OVOL2: variants seen among roughly 807,000 people sequenced by gnomAD.
The protein encoded by OVOL2 is transcription factor Ovo-like 2.
Under a neutral mutation model 18.1 loss-of-function variants are expected in OVOL2, and 13 were observed. The observed-to-expected ratio is 0.72, with a 90% confidence interval of 0.47 to 1.14. The LOEUF (loss-of-function observed/expected upper bound fraction) is 1.14. Among genes scored for constraint, OVOL2 ranks in the 50% most tolerant of loss-of-function variants. The probability of loss-of-function intolerance (pLI) is 0.00; values close to 1 mark genes in which losing one functional copy is unlikely to be tolerated. For missense variants in OVOL2, 335 were observed against 383.0 expected (o/e 0.87, Z 1.05); for synonymous variants, 166 against 162.7 (o/e 1.02, Z -0.16).
At chr20:18,047,029 A>T (rs1479926432) in intron 2 of OVOL2, among the ~76,000 whole-genome samples, 1 of 152,086 alleles carries the variant, frequency 6.6e-6, no homozygotes. Flanking sequence ...CCACATGTAA[A>T]ACAATAAAAT....
At chr20:18,051,525 C>A (rs1250606884) in intron 2 of OVOL2, among the ~76,000 whole-genome samples, 4 of 152,046 alleles carry the variant, frequency 2.6e-5, no homozygotes, top group Admixed American at 2.6e-4. Flanking sequence ...GAGAGATAAC[C>A]AAATATTCAG....
chr20:18,058,025 G>T (rs1342726755), upstream of OVOL2: 1 of 297,916 alleles, frequency 3.4e-6, no homozygotes, highest in Admixed American at 5.8e-5. Flanking sequence ...AGGCATGAAT[G>T]TTTGCAAAAG....
intron 3 of OVOL2, among the ~76,000 whole-genome samples, chr20:18,030,764 G>A (rs1240567308): frequency 6.6e-6 from 1 of 152,236 alleles, no homozygotes; most frequent in East Asian, 1.9e-4. Flanking sequence ...GAAAGCTCCA[G>A]TTATGGCACT....
chr20:18,024,530 G>C lies in OVOL2; in HGVS notation c.*106C>G, dbSNP rs537965408. On this transcript the variant is annotated 3_prime_UTR_variant, in exon 4 of 4. Transcript: ENST00000278780. ...TTTCAAAAGGACACAGAGGTGAACT[G>C]GTCACTTCTAATTAAGAAGAGCCAG... 1 of 1,456,138 alleles carries C rather than the reference G, an allele frequency of 6.9e-7. No homozygotes were observed. Among genetic ancestry groups the C allele is most frequent in the African/African-American group, 1.4e-5 (1 of 69,690 alleles). The allele number at this position is 1,456,138 out of a possible 1,614,324, so 90.2% of individuals were successfully genotyped here.
intron 3 of OVOL2, among the ~76,000 whole-genome samples, chr20:18,031,071 G>A (rs991983035): frequency 6.6e-6 from 1 of 152,172 alleles, no homozygotes; most frequent in African/African-American, 2.4e-5. Context: ...AAGGCCAACC[G>A]TGCCTGTGTC....
chr20:18,049,886 A>G (rs2036757169), intron 2 of OVOL2, among the ~76,000 whole-genome samples: 1 of 152,186 alleles, frequency 6.6e-6, no homozygotes, highest in Non-Finnish European at 1.5e-5. Flanking sequence ...ATCAACACTA[A>G]GGGCTAAAGC....
At chr20:18,058,618 T>C (rs1317960), upstream of OVOL2, among the ~76,000 whole-genome samples, 8 of 148,728 alleles carry the variant, frequency 5.4e-5, no homozygotes, top group African/African-American at 2.0e-4. Flanking sequence ...CAAATGCAGC[T>C]TCAAAACAAG....
intron 3 of OVOL2, among the ~76,000 whole-genome samples, chr20:18,038,325 A>G (rs1005272279): frequency 9.2e-5 from 14 of 152,186 alleles, no homozygotes; most frequent in Non-Finnish European, 1.2e-4. Flanking sequence ...AAGCACTTTT[A>G]TGTAATTCTG....
chr20:18,034,427 T>A lies in OVOL2; in HGVS notation c.511+7107A>T, dbSNP rs186211089. 3.9e-3 allele frequency among the ~76,000 whole-genome samples: 597 copies of A among 152,316 alleles called. 4 individuals are homozygous for A. The highest frequency in any genetic ancestry group is 0.013 in the African/African-American group (554 of 41,572). Reference sequence around the variant, plus strand: ...AACAGCAAAACCCATGCTCATCCTCTGCCCTCACAGGCTCCACTTGACAGC... The same window carrying A: ...AACAGCAAAACCCATGCTCATCCTCAGCCCTCACAGGCTCCACTTGACAGC... On this transcript the variant is annotated intron_variant, in intron 3 of 3. Coordinates refer to ENST00000278780, the MANE Select transcript of OVOL2 (RefSeq NM_021220.4).
intron 3 of OVOL2, among the ~76,000 whole-genome samples, chr20:18,029,726 C>A (rs1269743538): frequency 1.3e-5 from 2 of 152,114 alleles, no homozygotes; most frequent in East Asian, 3.9e-4. Flanking sequence ...ACCTGTAATC[C>A]CAGCACTTTG....
Position 18,024,639 on chromosome 20 carries a change from C to A in OVOL2, c.825G>T (p.Lys275Asn). ...TCTGTCCTCCCCTTCCTTCTCCTCA[C>A]TTCCTCTCCTCCTCCTCACTCAGGC... ...NTSLSEEEERK is the reference protein window; with the variant it reads ...NTSLSEEEERN The change falls in exon 4 of 4, where the codon AAG becomes AAT. Residue 275 changes from lysine to asparagine, a missense_variant. By Grantham distance (94) the Lys-to-Asn change is moderately conservative (BLOSUM62 0). Coordinates refer to ENST00000278780, the MANE Select transcript of OVOL2 (RefSeq NM_021220.4). The A allele has an allele frequency of 6.3e-7, 1 of 1,595,646 alleles. No individual in the cohort carries two copies. Among genetic ancestry groups the A allele is most frequent in the Non-Finnish European group, 8.6e-7 (1 of 1,168,280 alleles).
rs758776357 is a variant in OVOL2, at chr20:18,024,966, G to A, written c.512-14C>T. 3.8e-6 allele frequency: 6 copies of A among 1,599,768 alleles called. No individual in the cohort carries two copies. The highest frequency in any genetic ancestry group is 1.1e-5 in the South Asian group (1 of 90,050). ...AGGGACGAATGCCTGAAAGGATGAG[G>A]GACAGACACAGCATCGGTTGGTCAT... On this transcript the variant is annotated splice_polypyrimidine_tract_variant and intron_variant, in intron 3 of 3. Transcript: ENST00000278780.
chr20:18,026,595 A>C (rs1300591246), intron 3 of OVOL2, among the ~76,000 whole-genome samples: 1 of 152,032 alleles, frequency 6.6e-6, no homozygotes, highest in African/African-American at 2.4e-5. Flanking sequence ...GTTAGCCAGA[A>C]TGGTCTCGAT....
intron 3 of OVOL2, among the ~76,000 whole-genome samples, chr20:18,027,968 TGA>T (rs1231566840): frequency 1.3e-5 from 2 of 151,498 alleles, no homozygotes; most frequent in Admixed American, 6.6e-5. Context: ...GCATGGAAGT[TGA>T]GAGAGGGTGA....
chr20:18,031,001 C>A (rs181824868), intron 3 of OVOL2, among the ~76,000 whole-genome samples: 5 of 152,192 alleles, frequency 3.3e-5, no homozygotes, highest in Admixed American at 6.5e-5. Flanking sequence ...CTGGGCAAGA[C>A]GGACTGATGC....
intron 3 of OVOL2, among the ~76,000 whole-genome samples, chr20:18,026,446 AT>A (rs1487278920): frequency 1.3e-5 from 2 of 150,084 alleles, no homozygotes; most frequent in Non-Finnish European, 3.0e-5. Context: ...CAGTGGCGCA[AT>A]CTCAGCTCAC....
At chr20:18,059,162 T>TGA (rs1157671888), upstream of OVOL2, 1 of 152,256 alleles carries the variant, frequency 6.6e-6, no homozygotes, top group Non-Finnish European at 1.5e-5. Flanking sequence ...CCTTCCGCCC[T>TGA]GAATGGCCCT....
rs1190690001 is a variant in OVOL2, at chr20:18,048,308, T to C, written c.322-6585A>G. Among the ~76,000 whole-genome samples the C allele has an allele frequency of 2.0e-5, 3 of 151,950 alleles. No individual in the cohort carries two copies. In the East Asian group the frequency reaches 5.8e-4, roughly 29 times the overall value. On this transcript the variant is annotated intron_variant, in intron 2 of 3. Coordinates refer to ENST00000278780, the MANE Select transcript of OVOL2 (RefSeq NM_021220.4). ...TCAAAAGAAGAAAAAAAAATTTGTT[T>C]CCCAATTTGCTTTTGAATTTTTCTC...
intron 3 of OVOL2, among the ~76,000 whole-genome samples, chr20:18,031,064 G>A (rs1277401762): frequency 6.6e-6 from 1 of 152,148 alleles, no homozygotes; most frequent in Non-Finnish European, 1.5e-5. Flanking sequence ...TCACGCAAAG[G>A]CCAACCGTGC....
Sources: gnomAD v4.1 joint callset for allele counts (sites outside exome capture counted in the v4.1 genomes callset) on GRCh38, gnomAD v4.1.1 for gene constraint, MANE v1.5 for transcripts, NCBI Gene and HGNC (gene_info 2026-07-23, HGNC 2026-07-21) for gene names.